SLC30A1: variants seen among roughly 807,000 people sequenced by gnomAD.
SLC30A1 encodes solute carrier family 30 member 1.
A neutral mutation model predicts 29.8 loss-of-function variants in SLC30A1; 7 were observed. That is an observed-to-expected ratio of 0.23 (90% CI 0.13 to 0.44). The LOEUF is 0.44. Among genes scored for constraint, SLC30A1 ranks in the 20% least tolerant of loss-of-function variants. The pLI, the probability that SLC30A1 is intolerant of heterozygous loss-of-function variation, is 1.00. For synonymous variants in SLC30A1, 254 were observed against 253.5 expected (o/e 1.00, Z -0.02); for missense variants, 446 against 647.9 (o/e 0.69, Z 3.38).
rs1475297917 is a variant in SLC30A1, at chr1:211,578,713, C to G, written c.-101G>C. Reference sequence around the variant, plus strand: ...GGCGACCGCGACACGGAGGAGCGCCCGAGTCGGGCCGTTCGGGAAACCGCT... The same window carrying G: ...GGCGACCGCGACACGGAGGAGCGCCGGAGTCGGGCCGTTCGGGAAACCGCT... On this transcript the variant is annotated 5_prime_UTR_variant, in exon 1 of 2. Coordinates refer to ENST00000367001, the MANE Select transcript of SLC30A1 (RefSeq NM_021194.3). 11 of 1,245,144 alleles carry G rather than the reference C, an allele frequency of 8.8e-6. No homozygotes were observed. In the Admixed American group the frequency reaches 3.4e-4, roughly 39 times the overall value. 77.1% of individuals were successfully genotyped at this position (1,245,144 alleles called of 1,614,324 possible). A position where few individuals can be genotyped will look rare whatever the true frequency, so the allele number is the denominator to read the frequency against.
Position 211,578,133 on chromosome 1 carries a change from G to A in SLC30A1, c.480C>T (p.Pro160=), listed in dbSNP as rs1246808212. 1.2e-6 allele frequency: 2 copies of A among 1,608,970 alleles called. No homozygotes were observed. Among genetic ancestry groups the A allele is most frequent in the South Asian group, 2.2e-5 (2 of 90,570 alleles). ...GGGTGCTCTTAACGCGAGGCCCCTT[G>A]GGGAGGCCGTGGCCGTGGCCGTGAC... ...HGGHGHGHGL[P]KGPRVKSTRP... Residue 160 remains proline (P), a synonymous_variant, in exon 1 of 2, where the codon CCC becomes CCT. Transcript: ENST00000367001.
chr1:211,576,996 C>G (rs578169624), intron 1 of SLC30A1, among the ~76,000 whole-genome samples: 21 of 152,122 alleles, frequency 1.4e-4, no homozygotes, highest in Non-Finnish European at 2.9e-4. Flanking sequence ...ACTTAATTTT[C>G]TTTGGAATAA....
At position 211,572,604 on chromosome 1, in the gene SLC30A1, C is replaced by T. The variant is rs1014786701; in HGVS notation, c.*2784G>A. The T allele has an allele frequency of 6.6e-6, 1 of 152,090 alleles. No individual in the cohort carries two copies. The highest frequency in any genetic ancestry group is 2.4e-5 in the African/African-American group (1 of 41,434). The allele number at this position is 152,090 out of a possible 1,614,324, so 9.4% of individuals were successfully genotyped here. On this transcript the variant is annotated 3_prime_UTR_variant, in exon 2 of 2. Coordinates refer to ENST00000367001, the MANE Select transcript of SLC30A1 (RefSeq NM_021194.3). ...ATGGACATTTTTCCTATTCAAGTTA[C>T]ATACCTTAGTTATTCAACATACTGT...
rs1706759697 is a variant in SLC30A1, at chr1:211,579,153, G to A, written c.-541C>T. Among the ~76,000 whole-genome samples the A allele has an allele frequency of 6.6e-6, 1 of 152,242 alleles. No individual in the cohort carries two copies. The highest frequency in any genetic ancestry group is 2.4e-5 in the African/African-American group (1 of 41,462). On this transcript the variant is annotated 5_prime_UTR_variant, in exon 1 of 2. Coordinates refer to ENST00000367001, the MANE Select transcript of SLC30A1 (RefSeq NM_021194.3). The stretch of plus-strand genomic sequence containing the variant: ...AGCTGCACTCGGCCCGGTCTCGGGC[G>A]CCTTCTTCGCCCCCCCGCCTTTGCA...
In SLC30A1 at chr1:211,578,593, T is replaced by A; in HGVS notation, c.20A>T (p.Asn7Ile). The A allele has an allele frequency of 6.3e-7, 1 of 1,599,288 alleles. No individual in the cohort carries two copies. ...CAGCATGCACAGCAGCCGGCCCCGG[T>A]TCCGACCCCAACACCCCATGGCTGC... MGCWGR[N>I]RGRLLCMLAL... Residue 7 changes from asparagine (N) to isoleucine (I), a missense_variant, in exon 1 of 2, where the codon AAC becomes ATC. This residue lies in a region of SLC30A1 where 62 missense variants were observed against 91.5 expected (regional missense o/e 0.68). Transcript: ENST00000367001.
rs1213665507 is a variant in SLC30A1, at chr1:211,571,612, T to C, written c.*3776A>G. The C allele has an allele frequency of 2.0e-5, 3 of 152,176 alleles. No homozygotes were observed. The highest frequency in any genetic ancestry group is 7.2e-5 in the African/African-American group (3 of 41,444). The allele number at this position is 152,176 out of a possible 1,614,324, so 9.4% of individuals were successfully genotyped here. Reference sequence around the variant, plus strand: ...ATTTTTCTACTTAACTTTTAATAAATGAGAAGAAACACAGTAGTCTGTCTC... The same window carrying C: ...ATTTTTCTACTTAACTTTTAATAAACGAGAAGAAACACAGTAGTCTGTCTC... On this transcript the variant is annotated 3_prime_UTR_variant, in exon 2 of 2. Transcript: ENST00000367001.
rs1348335856 is a variant in SLC30A1 at position 211,575,922 on chromosome 1, G to A, written c.990C>T (p.Tyr330=). 11 of 1,612,668 alleles carry A rather than the reference G, an allele frequency of 6.8e-6. No homozygotes were observed. Among genetic ancestry groups the A allele is most frequent in the Non-Finnish European group, 9.3e-6 (11 of 1,179,228 alleles). The change falls in exon 2 of 2, where the codon TAC becomes TAT. Residue 330 remains tyrosine (Y), a synonymous_variant. Transcript: ENST00000367001. The surrounding 1 kb of genome is among the most constrained non-coding windows in gnomAD (Gnocchi z 6.0). ...ATTCCTTAAGTAATGGATAGGTTGT[G>A]TAAAGAAGTATACAAACCATTACAA... ...LCVVMVCILL[Y]TTYPLLKESA... is the part of the protein sequence containing the mutation.
At position 211,573,461 on chromosome 1, in the gene SLC30A1, T is replaced by C. The variant is rs966029627; in HGVS notation, c.*1927A>G. On this transcript the variant is annotated 3_prime_UTR_variant, in exon 2 of 2. Coordinates refer to ENST00000367001, the MANE Select transcript of SLC30A1 (RefSeq NM_021194.3). ...TAGAGCATTTGTAAAGAAAACCTCA[T>C]TGAATGTAATATATTTTATCAGTTA... 3 of 152,188 alleles carry C rather than the reference T, an allele frequency of 2.0e-5. No homozygotes were observed. The highest frequency in any genetic ancestry group is 2.1e-4 in the South Asian group (1 of 4,832). The allele number at this position is 152,188 out of a possible 1,614,324, so 9.4% of individuals were successfully genotyped here.
In SLC30A1 at chr1:211,577,698, T is replaced by C. The variant is rs1002802697; in HGVS notation, c.622+293A>G. Among the ~76,000 whole-genome samples, 7 of 152,226 alleles carry C rather than the reference T, an allele frequency of 4.6e-5. No homozygotes were observed. The highest frequency in any genetic ancestry group is 7.3e-5 in the Non-Finnish European group (5 of 68,036). ...CTGTAAAGACAGCCAAGTGCGGGTGTGGACTGCAGCGGGATGATGATCACC... is the reference window on the plus strand; with the variant it reads ...CTGTAAAGACAGCCAAGTGCGGGTGCGGACTGCAGCGGGATGATGATCACC... On this transcript the variant is annotated intron_variant, in intron 1 of 1. Coordinates refer to ENST00000367001, the MANE Select transcript of SLC30A1 (RefSeq NM_021194.3). The surrounding 1 kb of genome is among the most constrained non-coding windows in gnomAD (Gnocchi z 4.5).
In SLC30A1 at chr1:211,578,879, C is replaced by T; in HGVS notation, c.-267G>A. ...CCTCAGAGCCGGCGCCGAGGCCCGG[C>T]TCAGCCTCAGCAGCCCCCACACCCA... On this transcript the variant is annotated 5_prime_UTR_variant, in exon 1 of 2. Coordinates refer to ENST00000367001, the MANE Select transcript of SLC30A1 (RefSeq NM_021194.3). 3.5e-6 allele frequency: 1 copy of T among 285,110 alleles called. No individual in the cohort carries two copies. Among genetic ancestry groups the T allele is most frequent in the East Asian group, 6.2e-5 (1 of 16,066 alleles). 17.7% of individuals were successfully genotyped at this position (285,110 alleles called of 1,614,324 possible).
At position 211,578,301 on chromosome 1, in the gene SLC30A1, G is replaced by T. The variant is rs1706748380; in HGVS notation, c.312C>A (p.Phe104Leu). ...GCTGCTGCATCTCGTGCGGCTCGAT[G>T]AAGCGCTCGATGGCCTCCAGCAGGA... ...FAILLEAIER[F>L]IEPHEMQQPL... Residue 104 changes from phenylalanine to leucine, a missense_variant, in exon 1 of 2, where the codon TTC (phenylalanine) becomes TTA (leucine). Physicochemically the swap from Phe to Leu is conservative, Grantham distance 22 (BLOSUM62 0). Around this residue, in one of 5 missense-constraint regions of SLC30A1, gnomAD observed 37 missense variants for 64.0 expected, o/e 0.58. Coordinates refer to ENST00000367001, the MANE Select transcript of SLC30A1 (RefSeq NM_021194.3). 1 of 1,612,698 alleles carries T rather than the reference G, an allele frequency of 6.2e-7. No individual in the cohort carries two copies. The highest frequency in any genetic ancestry group is 1.3e-5 in the African/African-American group (1 of 75,060).
In SLC30A1 at chr1:211,575,777, C is replaced by T. The variant is rs1247200202; in HGVS notation, c.1135G>A (p.Gly379Arg). The T allele has an allele frequency of 6.2e-7, 1 of 1,614,138 alleles. No individual in the cohort carries two copies. Among genetic ancestry groups the T allele is most frequent in the Non-Finnish European group, 8.5e-7 (1 of 1,180,018 alleles). Residue 379 changes from glycine (G) to arginine (R), a missense_variant, in exon 2 of 2, where the codon GGA becomes AGA. Transcript: ENST00000367001. This position sits in a 1 kb window ranked among gnomAD's most constrained non-coding sequence, Gnocchi z 6.0. ...VHELHVWQLA[G>R]SRIIATAHIK... ...TGAGCAGTGGCAATGATTCTGCTTC[C>T]AGCAAGTTGCCAAACATGTAATTCA...
At position 211,575,474 on chromosome 1, in the gene SLC30A1, GCTT is replaced by G. The variant is rs1427277536; in HGVS notation, c.1435_1437del (p.Lys479del). The stretch of plus-strand genomic sequence containing the variant: ...ATGTTTTCAGCTTTAGTCCTCCTGG[GCTT>G]CTTCTCTAGATTGTTACTAAGTTCT... On this transcript the variant is annotated inframe_deletion, in exon 2 of 2. Transcript: ENST00000367001. The surrounding 1 kb of genome is among the most constrained non-coding windows in gnomAD (Gnocchi z 6.0). 3.1e-6 allele frequency: 5 copies of G among 1,613,896 alleles called. No individual in the cohort carries two copies. Among genetic ancestry groups the G allele is most frequent in the African/African-American group, 1.3e-5 (1 of 74,906 alleles).
rs1290648253 is a variant in SLC30A1 at position 211,578,613 on chromosome 1, G to A, written c.-1C>T. The A allele has an allele frequency of 1.3e-6, 2 of 1,558,060 alleles. No individual in the cohort carries two copies. The highest frequency in any genetic ancestry group is 1.2e-5 in the South Asian group (1 of 86,718). ...CCCGGTTCCGACCCCAACACCCCAT[G>A]GCTGCGGCTGCGGGGCCCGCCGAGC... On this transcript the variant is annotated 5_prime_UTR_variant, in exon 1 of 2. Coordinates refer to ENST00000367001, the MANE Select transcript of SLC30A1 (RefSeq NM_021194.3).
chr1:211,574,342 C>G lies in SLC30A1; in HGVS notation c.*1046G>C, dbSNP rs1292293424. ...TGCTAAGAATTTAATATCCAAACTG[C>G]ATTAACCTTCTGGTTTTCTTTCCTC... is the stretch of plus-strand genomic sequence containing the variant. On this transcript the variant is annotated 3_prime_UTR_variant, in exon 2 of 2. Transcript: ENST00000367001. The G allele has an allele frequency of 6.6e-6, 1 of 152,068 alleles. No individual in the cohort carries two copies. Among genetic ancestry groups the G allele is most frequent in the African/African-American group, 2.4e-5 (1 of 41,438 alleles). 9.4% of individuals were successfully genotyped at this position (152,068 alleles called of 1,614,324 possible). A position where few individuals can be genotyped will look rare whatever the true frequency, so the allele number is the denominator to read the frequency against.
chr1:211,576,974 C>T (rs1706726540), intron 1 of SLC30A1, among the ~76,000 whole-genome samples: 1 of 152,146 alleles, frequency 6.6e-6, no homozygotes, highest in Non-Finnish European at 1.5e-5. Context: ...TTTGAAATTA[C>T]ACACCAGAGA....
In SLC30A1 at chr1:211,577,711, G is replaced by A. The variant is rs1706736645; in HGVS notation, c.622+280C>T. On this transcript the variant is annotated intron_variant, in intron 1 of 1. Transcript: ENST00000367001. The surrounding 1 kb of genome is among the most constrained non-coding windows in gnomAD (Gnocchi z 4.5). ...CAAGTGCGGGTGTGGACTGCAGCGG[G>A]ATGATGATCACCTCCTGACCCTTTT... 6.6e-6 allele frequency among the ~76,000 whole-genome samples: 1 copy of A among 152,256 alleles called. No homozygotes were observed. The highest frequency in any genetic ancestry group is 6.5e-5 in the Admixed American group (1 of 15,288).
chr1:211,575,200 C>A lies in SLC30A1; in HGVS notation c.*188G>T. On this transcript the variant is annotated 3_prime_UTR_variant, in exon 2 of 2. Coordinates refer to ENST00000367001, the MANE Select transcript of SLC30A1 (RefSeq NM_021194.3). The surrounding 1 kb of genome is among the most constrained non-coding windows in gnomAD (Gnocchi z 6.0). ...AGTCACAGCATAGCTGTACTCTGTA[C>A]TAATAATCACAAAATTGTAATATAG... 1 of 579,862 alleles carries A rather than the reference C, an allele frequency of 1.7e-6. No homozygotes were observed. The highest frequency in any genetic ancestry group is 3.0e-6 in the Non-Finnish European group (1 of 332,342). The allele number at this position is 579,862 out of a possible 1,614,324, so 35.9% of individuals were successfully genotyped here.
rs1411601405 is a variant in SLC30A1 at position 211,575,837 on chromosome 1, C to G, written c.1075G>C (p.Glu359Gln). ...KQIDIRNLIK[E>Q]LRNVEGVEEV... The stretch of plus-strand genomic sequence containing the variant: ...TCAACTCCTTCAACATTTCGAAGTT[C>G]TTTTATCAAATTTCTGATATCAATT... The change falls in exon 2 of 2, where the codon GAA becomes CAA. Residue 359 changes from glutamate to glutamine, a missense_variant. Glu to Gln is a conservative substitution (Grantham distance 29, BLOSUM62 2). Transcript: ENST00000367001. This position sits in a 1 kb window ranked among gnomAD's most constrained non-coding sequence, Gnocchi z 6.0. 6.2e-7 allele frequency: 1 copy of G among 1,613,806 alleles called. No homozygotes were observed. Among genetic ancestry groups the G allele is most frequent in the South Asian group, 1.1e-5 (1 of 91,002 alleles).
Sources: gnomAD v4.1 joint callset for allele counts (sites outside exome capture counted in the v4.1 genomes callset) on GRCh38, gnomAD v4.1.1 for gene constraint, gnomAD v4.1.1 regional missense constraint, Gnocchi (gnomAD v3.1) non-coding constraint, MANE v1.5 for transcripts, NCBI Gene and HGNC (gene_info 2026-07-23, HGNC 2026-07-21) for gene names.